NLGN1: variants seen among roughly 807,000 people sequenced by gnomAD.
NLGN1 encodes the protein neuroligin-1.
NLGN1 carries 12 observed loss-of-function variants against 65.5 expected under a neutral mutation model. That is an observed-to-expected ratio of 0.18 (90% CI 0.12 to 0.30). NLGN1 has a LOEUF of 0.30. NLGN1 is among the 10% of genes least tolerant of loss of function. The pLI is 1.00. For synonymous variants in NLGN1, 350 were observed against 359.5 expected (o/e 0.97, Z 0.30); for missense variants, 750 against 1,007.1 (o/e 0.74, Z 3.46).
intron 4 of NLGN1, among the ~76,000 whole-genome samples, chr3:173,971,549 A>G (rs960060298): frequency 3.9e-5 from 6 of 152,096 alleles, no homozygotes; most frequent in Non-Finnish European, 8.8e-5. Context: ...ACACAAGAAA[A>G]TGGGGAATAA....
rs942652690 is a variant in NLGN1, at chr3:173,710,495, C to T, written c.494-97185C>T. On this transcript the variant is annotated intron_variant, in intron 3 of 6. Transcript: ENST00000457714. ...GTTTCTGAATTATTTTCTATTGTTA[C>T]GTACTAAAAGCAAGTCATATTGTTT... Among the ~76,000 whole-genome samples the T allele has an allele frequency of 2.0e-4, 31 of 152,148 alleles. 1 individual carries two copies. The highest frequency in any genetic ancestry group is 2.2e-4 in the African/African-American group (9 of 41,516).
At chr3:174,069,391 C>CA (rs1356606225) in intron 4 of NLGN1, among the ~76,000 whole-genome samples, 1 of 151,980 alleles carries the variant, frequency 6.6e-6, no homozygotes, top group Non-Finnish European at 1.5e-5. Flanking sequence ...CCTCATGAGA[C>CA]ATGAGAGAGG....
chr3:173,449,308 A>G (rs1721020751), intron 2 of NLGN1, among the ~76,000 whole-genome samples: 1 of 151,956 alleles, frequency 6.6e-6, no homozygotes, highest in African/African-American at 2.4e-5. Context: ...TTCTGCCTTC[A>G]TTTCATTATG....
intron 2 of NLGN1, among the ~76,000 whole-genome samples, chr3:173,580,095 C>T (rs1281193215): frequency 6.6e-6 from 1 of 151,956 alleles, no homozygotes; most frequent in Non-Finnish European, 1.5e-5. Flanking sequence ...TTGACCTGGT[C>T]ATAAAAGATG....
intron 2 of NLGN1, among the ~76,000 whole-genome samples, chr3:173,593,895 C>G (rs998938859): frequency 1.3e-5 from 2 of 152,180 alleles, no homozygotes; most frequent in Non-Finnish European, 2.9e-5. Flanking sequence ...AGCAGAAACT[C>G]CTGATAAAAC....
chr3:173,693,704 A>G (rs2149836394), intron 3 of NLGN1, among the ~76,000 whole-genome samples: 1 of 152,168 alleles, frequency 6.6e-6, no homozygotes, highest in Non-Finnish European at 1.5e-5. Context: ...TGGTGCAGAA[A>G]ATAATGAACA....
intron 3 of NLGN1, among the ~76,000 whole-genome samples, chr3:173,693,901 A>G (rs1006320838): frequency 1.3e-5 from 2 of 152,168 alleles, no homozygotes; most frequent in Non-Finnish European, 2.9e-5. Context: ...CTATTAATAC[A>G]CAGATATTAG....
chr3:173,901,583 A>C (rs1232878514), intron 4 of NLGN1, among the ~76,000 whole-genome samples: 1 of 151,976 alleles, frequency 6.6e-6, no homozygotes, highest in Non-Finnish European at 1.5e-5. Context: ...CTTATTTCTA[A>C]GATTGCATAC....
chr3:173,917,870 T>TGTGTGTGTGTGTGTGTGTGTGTGTG (rs10530688), intron 4 of NLGN1, among the ~76,000 whole-genome samples: 2 of 151,910 alleles, frequency 1.3e-5, no homozygotes, highest in Admixed American at 6.6e-5. Flanking sequence ...TGTGTGTGTG[T>TGTGTGTGTGTGTGTGTGTGTGTGTG]TGGCCTTTAT....
At chr3:174,013,747 T>A (rs1256588141) in intron 4 of NLGN1, among the ~76,000 whole-genome samples, 1 of 152,244 alleles carries the variant, frequency 6.6e-6, no homozygotes, top group African/African-American at 2.4e-5. Flanking sequence ...AAGGTCTCAC[T>A]CTGTCATCCA....
chr3:174,069,790 A>G (rs1739417502), intron 4 of NLGN1, among the ~76,000 whole-genome samples: 1 of 152,170 alleles, frequency 6.6e-6, no homozygotes, highest in Non-Finnish European at 1.5e-5. Flanking sequence ...TTTTGATATT[A>G]TTTCTGGAAA....
chr3:173,943,246 G>A (rs1334297380), intron 4 of NLGN1, among the ~76,000 whole-genome samples: 2 of 150,172 alleles, frequency 1.3e-5, no homozygotes, highest in Non-Finnish European at 3.0e-5. Flanking sequence ...AAATAATGAA[G>A]GGTATAAAAA....
chr3:173,800,803 T>A (rs1473174287), intron 3 of NLGN1, among the ~76,000 whole-genome samples: 1 of 151,912 alleles, frequency 6.6e-6, no homozygotes, highest in Admixed American at 6.6e-5. Flanking sequence ...ACACACCCAA[T>A]AAAATGAAGG....
chr3:174,265,451 G>A (rs1227369400), intron 4 of NLGN1, among the ~76,000 whole-genome samples: 3 of 152,082 alleles, frequency 2.0e-5, no homozygotes, highest in African/African-American at 4.8e-5. Context: ...TTCCAGGTGC[G>A]TCCGTCACCC....
intron 1 of NLGN1, among the ~76,000 whole-genome samples, chr3:173,429,390 C>T (rs528478682): frequency 2.6e-5 from 4 of 151,990 alleles, no homozygotes; most frequent in South Asian, 2.1e-4. Context: ...ATTTCTGCAC[C>T]GATTTACTGT....
intron 3 of NLGN1, among the ~76,000 whole-genome samples, chr3:173,738,460 G>A (rs1219412815): frequency 6.6e-6 from 1 of 151,992 alleles, no homozygotes; most frequent in South Asian, 2.1e-4. Flanking sequence ...TTTTTTACAT[G>A]TTGATATCCA....
intron 4 of NLGN1, among the ~76,000 whole-genome samples, chr3:174,068,402 C>T (rs916196635): frequency 6.6e-6 from 1 of 151,992 alleles, no homozygotes; most frequent in Non-Finnish European, 1.5e-5. Context: ...AATGCTTAGG[C>T]AGAGGGGGCA....
At chr3:174,139,250 A>C (rs1460046829) in intron 4 of NLGN1, among the ~76,000 whole-genome samples, 3 of 152,096 alleles carry the variant, frequency 2.0e-5, no homozygotes, top group Admixed American at 2.0e-4. Context: ...CGTCCTAAAA[A>C]TCTGTTGTAT....
intron 1 of NLGN1, chr3:173,399,934 T>C (rs961055773): frequency 5.3e-5 from 8 of 152,232 alleles, no homozygotes; most frequent in Non-Finnish European, 7.3e-5. Flanking sequence ...TTTTCATGTA[T>C]TGAAACAGTT....
Sources: gnomAD v4.1 joint callset for allele counts (sites outside exome capture counted in the v4.1 genomes callset) on GRCh38, gnomAD v4.1.1 for gene constraint, MANE v1.5 for transcripts, NCBI Gene and HGNC (gene_info 2026-07-23, HGNC 2026-07-21) for gene names.